The following DZANK1 variants were observed in gnomAD, a reference collection of about 807,000 sequenced individuals.
The protein encoded by DZANK1 is double zinc ribbon and ankyrin repeat domains 1.
Under a neutral mutation model 94.5 loss-of-function variants are expected in DZANK1, and 91 were observed. That is an observed-to-expected ratio of 0.96 (90% CI 0.81 to 1.15). The LOEUF is 1.15. DZANK1 is among the 50% of genes most tolerant of loss of function. The probability of loss-of-function intolerance (pLI) is 0.00; values close to 1 mark genes in which losing one functional copy is unlikely to be tolerated. For synonymous variants in DZANK1, 312 were observed against 325.3 expected, an observed-to-expected ratio of 0.96 and a Z score of 0.44; for missense variants, 903 against 916.4, an observed-to-expected ratio of 0.99 and a Z score of 0.19.
chr20:18,438,223 A>AAT, intron 8 of DZANK1, among the ~76,000 whole-genome samples: 1 of 121,572 alleles, frequency 8.2e-6, no homozygotes, highest in South Asian at 2.8e-4. Context: ...TGTCTCAAAA[A>AAT]AAAAAAAAAA....
chr20:18,423,030 A>T (rs2148522781), intron 10 of DZANK1, among the ~76,000 whole-genome samples: 1 of 152,250 alleles, frequency 6.6e-6, no homozygotes, highest in South Asian at 2.1e-4. Context: ...CGACATAATG[A>T]TATTTTGGTC....
intron 6 of DZANK1, among the ~76,000 whole-genome samples, chr20:18,451,345 T>G (rs973612612): frequency 6.6e-6 from 1 of 152,178 alleles, no homozygotes; most frequent in African/African-American, 2.4e-5. Flanking sequence ...CAGTAACATA[T>G]GACATAGATG....
chr20:18,400,082 C>T (rs1436862262), intron 13 of DZANK1, among the ~76,000 whole-genome samples: 1 of 152,142 alleles, frequency 6.6e-6, no homozygotes, highest in African/African-American at 2.4e-5. Context: ...ACTTTTCTTA[C>T]CTAATAAAAT....
intron 13 of DZANK1, among the ~76,000 whole-genome samples, chr20:18,399,765 C>G (rs1483651363): frequency 6.6e-6 from 1 of 152,210 alleles, no homozygotes; most frequent in Non-Finnish European, 1.5e-5. Flanking sequence ...GGCTCACCTT[C>G]CCACACAGGC....
chr20:18,424,224 T>C (rs6081135), intron 10 of DZANK1, among the ~76,000 whole-genome samples: 108,294 of 151,996 alleles, frequency 0.71, 39,423 homozygotes, highest in South Asian at 0.81. Context: ...CCAAGGCGGG[T>C]GGATCACCTG....
intron 14 of DZANK1, among the ~76,000 whole-genome samples, chr20:18,397,322 C>T (rs1568887989): frequency 1.3e-5 from 2 of 152,164 alleles, no homozygotes; most frequent in African/African-American, 4.8e-5. Context: ...GAAGAGTACA[C>T]AGCCTATTTC....
chr20:18,448,444 C>T (rs1378266839), intron 7 of DZANK1, among the ~76,000 whole-genome samples: 1 of 152,146 alleles, frequency 6.6e-6, no homozygotes, highest in African/African-American at 2.4e-5. Flanking sequence ...CAGGGATGAA[C>T]TTACTCATTT....
exon 9 of DZANK1, chr20:18,433,704 C>T: frequency 1.2e-6 from 2 of 1,614,066 alleles, no homozygotes; most frequent in Non-Finnish European, 1.7e-6. Flanking sequence ...AGGGGCCTCA[C>T]ACACCACACA....
chr20:18,409,193 G>T (rs2057109084), intron 13 of DZANK1, among the ~76,000 whole-genome samples: 1 of 151,852 alleles, frequency 6.6e-6, no homozygotes, highest in African/African-American at 2.4e-5. Flanking sequence ...TTTTTAAAAA[G>T]AAGCTCAACA....
chr20:18,397,499 C>A (rs551076249), intron 14 of DZANK1, among the ~76,000 whole-genome samples: 40 of 151,860 alleles, frequency 2.6e-4, no homozygotes, highest in Admixed American at 7.2e-4. Flanking sequence ...TAGTCTTGGG[C>A]AGGTCACCAA....
intron 6 of DZANK1, among the ~76,000 whole-genome samples, chr20:18,450,113 C>T (rs76200884): frequency 0.077 from 11,126 of 143,870 alleles, 614 homozygotes; most frequent in East Asian, 0.23. Flanking sequence ...AATAAATAAA[C>T]AAACAAACAA....
At chr20:18,443,391 G>T in exon 8 of DZANK1, 1 of 1,547,478 alleles carries the variant, frequency 6.5e-7, no homozygotes, top group East Asian at 2.4e-5. Context: ...AATATGGGTG[G>T]GACAGGAGAG....
At chr20:18,399,630 C>G (rs1401540027) in intron 13 of DZANK1, among the ~76,000 whole-genome samples, 1 of 152,206 alleles carries the variant, frequency 6.6e-6, no homozygotes, top group Non-Finnish European at 1.5e-5. Flanking sequence ...TCTCTTGGGT[C>G]CCTTTCCAGT....
In DZANK1 at chr20:18,445,049, C is replaced by T. The variant is rs536811448; in HGVS notation, c.630-1585G>A. Among the ~76,000 whole-genome samples, 4 of 152,048 alleles carry T rather than the reference C, an allele frequency of 2.6e-5. No homozygotes were observed. The South Asian group carries it at 8.3e-4, about 32-fold the overall frequency. ...ATCTCGATCTCCTGACCTCGTGATC[C>T]GCCCACCTCGGCCTCCCAAAGTGCT... On this transcript the variant is annotated intron_variant, in intron 7 of 20. Coordinates refer to ENST00000262547, the Ensembl canonical transcript of DZANK1.
intron 13 of DZANK1, among the ~76,000 whole-genome samples, chr20:18,400,274 G>A (rs1163423671): frequency 2.0e-5 from 3 of 152,154 alleles, no homozygotes; most frequent in East Asian, 1.9e-4. Flanking sequence ...AAGGAAGAAC[G>A]AATGTGTTAA....
At chr20:18,389,570 T>C (rs897066427) in intron 19 of DZANK1, 131 bp downstream of exon 19, 6 of 1,336,724 alleles carry the variant, frequency 4.5e-6, no homozygotes, top group Non-Finnish European at 6.0e-6. Context: ...TTATTAAAGC[T>C]GAAATAGGTT....
chr20:18,461,206 C>T (rs182330405), intron 2 of DZANK1, among the ~76,000 whole-genome samples: 1 of 152,330 alleles, frequency 6.6e-6, no homozygotes. Flanking sequence ...TCCATACAAG[C>T]ATCTATGTAC....
intron 9 of DZANK1, 33 bp downstream of exon 9, chr20:18,433,619 C>G: frequency 6.3e-7 from 1 of 1,581,532 alleles, no homozygotes. Context: ...CTATGTATTT[C>G]ATTCATGTTT....
chr20:18,455,436 T>TA, intron 3 of DZANK1, 75 bp from the exon 4 acceptor site: 1 of 932,642 alleles, frequency 1.1e-6, no homozygotes, highest in Non-Finnish European at 1.6e-6. Flanking sequence ...ACAAGATGAT[T>TA]TTATTAAAGT....
Sources: gnomAD v4.1 joint callset for allele counts (sites outside exome capture counted in the v4.1 genomes callset) on GRCh38, gnomAD v4.1.1 for gene constraint, MANE v1.5 for transcripts, NCBI Gene and HGNC (gene_info 2026-07-23, HGNC 2026-07-21) for gene names.